Variants in MBTPS1 observed in about 807,000 individuals in gnomAD.
The protein encoded by MBTPS1 is membrane bound transcription factor peptidase, site 1.
A neutral mutation model predicts 127.8 loss-of-function variants in MBTPS1; 94 were observed. That is an observed-to-expected ratio of 0.74 (90% CI 0.62 to 0.87). The LOEUF is 0.87. Ranked by LOEUF, MBTPS1 falls within the 40% of genes least tolerant of loss-of-function variation. The pLI is 0.00. For missense variants in MBTPS1, 1,636 were observed against 1,353.2 expected (o/e 1.21, Z -3.28); for synonymous variants, 632 against 509.4 (o/e 1.24, Z -3.24).
At position 84,074,663 on chromosome 16, in the gene MBTPS1, T is replaced by G; in HGVS notation, c.1527A>C (p.Gly509=). ...PYCSQPIYYG[G]MPTVVNVTIL... is the part of the protein sequence containing the mutation. Reference sequence around the variant, plus strand: ...TGGTGACATTAACAACTGTCGGCATTCCTCCATAGTAGATGGGCTGGGAGC... The same window carrying G: ...TGGTGACATTAACAACTGTCGGCATGCCTCCATAGTAGATGGGCTGGGAGC... The change falls in exon 12 of 23, where the codon GGA becomes GGC. Residue 509 remains glycine (G), a synonymous_variant. Transcript: ENST00000343411. 6.2e-7 allele frequency: 1 copy of G among 1,614,128 alleles called. No individual in the cohort carries two copies.
chr16:84,105,501 TG>T (rs1354651233), intron 1 of MBTPS1, among the ~76,000 whole-genome samples: 8 of 152,050 alleles, frequency 5.3e-5, no homozygotes, highest in African/African-American at 1.9e-4. Context: ...GCAGCAGCTC[TG>T]GAAGAATCTG....
At position 84,063,347 on chromosome 16, in the gene MBTPS1, A is replaced by T. The variant is rs750092763; in HGVS notation, c.2530T>A (p.Tyr844Asn). 5 of 1,614,130 alleles carry T rather than the reference A, an allele frequency of 3.1e-6. No individual in the cohort carries two copies. Among genetic ancestry groups the T allele is most frequent in the Non-Finnish European group, 4.2e-6 (5 of 1,179,968 alleles). Residue 844 changes from tyrosine to asparagine, a missense_variant, in exon 19 of 23, where the codon TAT becomes AAT. Transcript: ENST00000343411. ...PAEGGGRIVL[Y>N]GDSNCLDDSH... ...TCATCCAAGCAATTGGAGTCCCCAT[A>T]CAGTACAATCCGGCCTCCACCCTCA...
intron 15 of MBTPS1, 38 bp from the exon 16 acceptor site, chr16:84,067,861 C>T (rs780583899): frequency 1.9e-6 from 3 of 1,583,240 alleles, no homozygotes; most frequent in Non-Finnish European, 2.6e-6. Flanking sequence ...ACTGTCACTT[C>T]TGAATGACAG....
At chr16:84,110,298 G>C (rs1266378871) in intron 1 of MBTPS1, among the ~76,000 whole-genome samples, 5 of 152,152 alleles carry the variant, frequency 3.3e-5, no homozygotes, top group Non-Finnish European at 7.3e-5. Flanking sequence ...ATTCCTGAAA[G>C]GATTCATGGT....
rs796401024 is a variant in MBTPS1 at position 84,082,079 on chromosome 16, G to A, written c.1287-171C>T. On this transcript the variant is annotated intron_variant, in intron 10 of 22. Transcript: ENST00000343411. Reference sequence around the variant, plus strand: ...AGAGAATGAGTGCACACTCATCTCTGTACCCAATCCAGGACTGACCACTCC... The same window carrying A: ...AGAGAATGAGTGCACACTCATCTCTATACCCAATCCAGGACTGACCACTCC... 17 of 429,060 alleles carry A rather than the reference G, an allele frequency of 4.0e-5. 1 individual carries two copies. The highest frequency in any genetic ancestry group is 2.8e-4 in the African/African-American group (14 of 49,296). 26.6% of individuals were successfully genotyped at this position (429,060 alleles called of 1,614,324 possible). A position where few individuals can be genotyped will look rare whatever the true frequency, so the allele number is the denominator to read the frequency against.
In MBTPS1 at chr16:84,081,874, T is replaced by C; in HGVS notation, c.1321A>G (p.Ser441Gly). ...VQKRELVNPA[S>G]MKQALIASAR... is the part of the protein sequence containing the mutation. The stretch of plus-strand genomic sequence containing the variant: ...GACGCGATCAGGGCCTGCTTCATAC[T>C]GGCGGGATTCACCAGCTCACGCTTC... Residue 441 changes from serine to glycine, a missense_variant, in exon 11 of 23, where the codon AGT becomes GGT. Transcript: ENST00000343411. The C allele has an allele frequency of 4.7e-6, 7 of 1,485,712 alleles. No individual in the cohort carries two copies. The highest frequency in any genetic ancestry group is 6.3e-6 in the Non-Finnish European group (7 of 1,114,834). 92.0% of individuals were successfully genotyped at this position (1,485,712 alleles called of 1,614,324 possible).
chr16:84,085,213 G>A, intron 9 of MBTPS1, 79 bp from the exon 10 acceptor site: 1 of 1,398,296 alleles, frequency 7.2e-7, no homozygotes, highest in Non-Finnish European at 1.0e-6. Context: ...AATCAAATCA[G>A]AACAGAGATA....
chr16:84,093,486 C>A (rs966301046), intron 5 of MBTPS1, among the ~76,000 whole-genome samples, 189 bp from the exon 6 acceptor site: 2 of 152,140 alleles, frequency 1.3e-5, no homozygotes, highest in Admixed American at 6.5e-5. Flanking sequence ...AGCCACTCCA[C>A]GCTCTCCGGG....
chr16:84,099,073 C>T lies in MBTPS1; in HGVS notation c.401G>A (p.Arg134His), dbSNP rs761436859. The T allele has an allele frequency of 5.0e-6, 8 of 1,614,088 alleles. No homozygotes were observed. The highest frequency in any genetic ancestry group is 2.2e-5 in the South Asian group (2 of 91,076). The change falls in exon 3 of 23, where the codon CGT becomes CAT. Residue 134 changes from arginine to histidine, a missense_variant. Arg to His is a conservative substitution (Grantham distance 29). Coordinates refer to ENST00000343411, the MANE Select transcript of MBTPS1 (RefSeq NM_003791.4). ...CTCACATTCAGCATACTTGAGGGAA[C>T]GAAAGACTTTTCGTTGGGGCGTGAC... The part of the protein sequence containing the change: ...KRVTPQRKVF[R>H]SLKYAESDPT...
chr16:84,063,224 T>A (rs1411344099), intron 19 of MBTPS1, 81 bp downstream of exon 19: 24 of 1,467,886 alleles, frequency 1.6e-5, no homozygotes, highest in Non-Finnish European at 2.2e-5. Context: ...TCTGCCAGCA[T>A]CTCACGGGCG....
chr16:84,056,864 C>T (rs1186005828), intron 21 of MBTPS1: 1 of 152,268 alleles, frequency 6.6e-6, no homozygotes, highest in Non-Finnish European at 1.5e-5. Flanking sequence ...GGTTGATACG[C>T]TGGCAACAGC....
intron 20 of MBTPS1, chr16:84,059,654 G>C (rs962074845): frequency 4.8e-6 from 2 of 419,346 alleles, no homozygotes; most frequent in Non-Finnish European, 8.8e-6. Flanking sequence ...AATCAGAACC[G>C]TTCCCTTGAA....
chr16:84,081,187 C>T (rs1411001845), intron 11 of MBTPS1, among the ~76,000 whole-genome samples: 2 of 152,188 alleles, frequency 1.3e-5, no homozygotes, highest in East Asian at 3.9e-4. Flanking sequence ...GGGTGAAGGA[C>T]TCAGGGGTTC....
intron 1 of MBTPS1, among the ~76,000 whole-genome samples, chr16:84,115,030 G>A (rs1003989956): frequency 5.3e-5 from 8 of 151,828 alleles, no homozygotes; most frequent in Admixed American, 2.0e-4. Flanking sequence ...CTGGGTTCAA[G>A]GGATTCTCCT....
At chr16:84,098,140 T>C (rs1334487343) in intron 3 of MBTPS1, among the ~76,000 whole-genome samples, 1 of 152,132 alleles carries the variant, frequency 6.6e-6, no homozygotes, top group Admixed American at 6.5e-5. Flanking sequence ...AGCCCAATTG[T>C]AATGAAGTAG....
Position 84,099,311 on chromosome 16 carries a change from C to CT in MBTPS1, c.164-2dup, listed in dbSNP as rs774043101. On this transcript the variant is annotated splice_acceptor_variant, in intron 2 of 22. Transcript: ENST00000343411. LOFTEE classifies it high-confidence loss of function. ...TATCCATTGAAAGCCACAATATATT[C>CT]TGAAACCAATCACCACAAACAAAAA... The CT allele has an allele frequency of 3.1e-6, 5 of 1,612,718 alleles. No individual in the cohort carries two copies. The Admixed American group carries it at 8.4e-5, about 27-fold the overall frequency.
chr16:84,095,665 C>A lies in MBTPS1; in HGVS notation c.562G>T (p.Ala188Ser), dbSNP rs556122047. The stretch of plus-strand genomic sequence containing the variant: ...GTCTGGGCAACCTGGCGCGGGATGG[C>A]TCTCAGCAGCCGTCTGCTCGAATGC... ...GRHSSRRLLR[A>S]IPRQVAQTLQ... Residue 188 changes from alanine to serine, a missense_variant, in exon 4 of 23, where the codon GCC becomes TCC. Ala to Ser is a moderately conservative substitution (Grantham distance 99). Transcript: ENST00000343411. 1 of 1,614,234 alleles carries A rather than the reference C, an allele frequency of 6.2e-7. No homozygotes were observed. Among genetic ancestry groups the A allele is most frequent in the South Asian group, 1.1e-5 (1 of 91,084 alleles).
intron 8 of MBTPS1, 38 bp downstream of exon 8, chr16:84,090,836 GA>G: frequency 1.3e-6 from 2 of 1,483,064 alleles, no homozygotes; most frequent in Non-Finnish European, 1.9e-6. Flanking sequence ...ATTTAAGGGG[GA>G]AAAAATCCCC....
intron 1 of MBTPS1, among the ~76,000 whole-genome samples, chr16:84,112,703 G>A (rs529358342): frequency 2.7e-5 from 4 of 147,358 alleles, no homozygotes; most frequent in East Asian, 4.1e-4. Flanking sequence ...CGCCGGGCTC[G>A]GTGGCTCACA....
Sources: gnomAD v4.1 joint callset for allele counts (sites outside exome capture counted in the v4.1 genomes callset) on GRCh38, gnomAD v4.1.1 for gene constraint, MANE v1.5 for transcripts, NCBI Gene and HGNC (gene_info 2026-07-23, HGNC 2026-07-21) for gene names.